The following GPR132 variants were observed in gnomAD, a reference collection of about 807,000 sequenced individuals.
GPR132 encodes the protein probable G protein-coupled receptor 132.
Under a neutral mutation model 1.9 loss-of-function variants are expected in GPR132, and 4 were observed. The observed-to-expected ratio is 2.13, with a 90% confidence interval of 1.05 to 4.87. GPR132 has a LOEUF of 4.87. Among genes scored for constraint, GPR132 ranks in the 30% most tolerant of loss-of-function variants. GPR132 has a pLI of 0.01. For missense variants in GPR132, 404 were observed against 512.5 expected (o/e 0.79, Z 2.04); for synonymous variants, 233 against 234.2 (o/e 0.99, Z 0.05).
intron 1 of GPR132, among the ~76,000 whole-genome samples, chr14:105,062,071 A>C (rs541727201): frequency 6.6e-6 from 1 of 152,172 alleles, no homozygotes; most frequent in Non-Finnish European, 1.5e-5. Flanking sequence ...TCCAACTCCA[A>C]CTGGATTCAG....
intron 3 of GPR132, chr14:105,054,157 C>A (rs1237435367): frequency 7.8e-7 from 1 of 1,276,718 alleles, no homozygotes; most frequent in East Asian, 5.8e-5. Flanking sequence ...ACAGACCTGG[C>A]CTCAGCACCT....
chr14:105,058,694 T>C (rs1041383355), intron 1 of GPR132, among the ~76,000 whole-genome samples: 1 of 152,254 alleles, frequency 6.6e-6, no homozygotes, highest in Non-Finnish European at 1.5e-5. Flanking sequence ...GGAAGCTGTG[T>C]CACCCACAGC....
intron 1 of GPR132, 150 bp from the exon 2 acceptor site, chr14:105,057,430 A>G (rs1408519836): frequency 6.3e-6 from 3 of 479,214 alleles, no homozygotes; most frequent in South Asian, 6.5e-5. Flanking sequence ...CTGCCGTTGC[A>G]TCCCACATGA....
In GPR132 at chr14:105,050,994, T is replaced by C; in HGVS notation, c.1143A>G (p.Ter381TrpextTer23). Residue 381 changes from the stop codon to tryptophan, a stop_lost, in exon 4 of 4, where the codon TGA (stop) becomes TGG (tryptophan). Transcript: ENST00000329797. The surrounding 1 kb of genome is among the most constrained non-coding windows in gnomAD (Gnocchi z 4.0). The part of the protein sequence containing the change: ...PAKRLIEESC[*>W] Reference sequence around the variant, plus strand: ...GCCATCCCCCTGCCACACAGTGGGCTCAGCAGGACTCCTCAATCAGCCTCT... The same window carrying C: ...GCCATCCCCCTGCCACACAGTGGGCCCAGCAGGACTCCTCAATCAGCCTCT... 1 of 1,607,630 alleles carries C rather than the reference T, an allele frequency of 6.2e-7. No individual in the cohort carries two copies. The highest frequency in any genetic ancestry group is 8.5e-7 in the Non-Finnish European group (1 of 1,174,682).
chr14:105,055,425 A>G lies in GPR132; in HGVS notation c.-5T>C, dbSNP rs1886764011. On this transcript the variant is annotated 5_prime_UTR_variant, in exon 3 of 4. An upstream start codon of the reference 5' UTR is lost. Transcript: ENST00000329797. This position sits in a 1 kb window ranked among gnomAD's most constrained non-coding sequence, Gnocchi z 4.7. ...TTTCAGTAGCATTGGGCACATTCAC[A>G]TTCTTCTGCAACCATCGCCAGCATC... 1.2e-5 allele frequency: 9 copies of G among 780,946 alleles called. No homozygotes were observed. In the East Asian group the frequency reaches 1.9e-4, roughly 17 times the overall value. The allele number at this position is 780,946 out of a possible 1,614,324, so 48.4% of individuals were successfully genotyped here. A position where few individuals can be genotyped will look rare whatever the true frequency, so the allele number is the denominator to read the frequency against.
Position 105,051,324 on chromosome 14 carries a change from G to C in GPR132, c.813C>G (p.Tyr271Ter). The change falls in exon 4 of 4, where the codon TAC becomes TAG. Residue 271 changes from tyrosine to a stop codon, truncating the protein, a stop_gained. Transcript: ENST00000329797. LOFTEE classifies it low-confidence loss of function (END_TRUNC). The surrounding 1 kb of genome is among the most constrained non-coding windows in gnomAD (Gnocchi z 8.0). ...VLLVKAAAFSYYRGDRNAMCG... is the reference protein window; with the variant it reads ...VLLVKAAAFS ...ACATGGCGTTCCTGTCTCCTCTGTA[G>C]TAGGAAAAGGCAGCGGCTTTGACGA... 5 of 1,614,036 alleles carry C rather than the reference G, an allele frequency of 3.1e-6. No individual in the cohort carries two copies. The highest frequency in any genetic ancestry group is 4.2e-6 in the Non-Finnish European group (5 of 1,179,868).
At position 105,051,989 on chromosome 14, in the gene GPR132, T is replaced by C. The variant is rs544362883; in HGVS notation, c.148A>G (p.Ser50Gly). Residue 50 changes from serine (S) to glycine (G), a missense_variant, in exon 4 of 4, where the codon AGC becomes GGC. Coordinates refer to ENST00000329797, the MANE Select transcript of GPR132 (RefSeq NM_013345.4). The surrounding 1 kb of genome is among the most constrained non-coding windows in gnomAD (Gnocchi z 8.0). Reference sequence around the variant, plus strand: ...GGCACCCCCAGCGTGCACACCGCGCTGTACACCACGACCAGGACTATCCTG... The same window carrying C: ...GGCACCCCCAGCGTGCACACCGCGCCGTACACCACGACCAGGACTATCCTG... The part of the protein sequence containing the change: ...ESRIVLVVVY[S>G]AVCTLGVPAN... The C allele has an allele frequency of 6.2e-7, 1 of 1,613,144 alleles. No homozygotes were observed. Among genetic ancestry groups the C allele is most frequent in the African/African-American group, 1.3e-5 (1 of 75,062 alleles).
At chr14:105,057,021 C>T in intron 2 of GPR132, 146 bp downstream of exon 2, 1 of 672,808 alleles carries the variant, frequency 1.5e-6, no homozygotes, top group Non-Finnish European at 2.7e-6. Context: ...CCATGTAGCA[C>T]CTCTAGATTT....
In GPR132 at chr14:105,056,192, G is replaced by A. The variant is rs1044554802; in HGVS notation, c.-746-26C>T. 5 of 985,150 alleles carry A rather than the reference G, an allele frequency of 5.1e-6. No homozygotes were observed. The highest frequency in any genetic ancestry group is 6.0e-6 in the Non-Finnish European group (5 of 829,534). The allele number at this position is 985,150 out of a possible 1,614,324, so 61.0% of individuals were successfully genotyped here. On this transcript the variant is annotated intron_variant, in intron 2 of 3. Coordinates refer to ENST00000329797, the MANE Select transcript of GPR132 (RefSeq NM_013345.4). The surrounding 1 kb of genome is among the most constrained non-coding windows in gnomAD (Gnocchi z 6.0). ...CTGGGCAGAGGGAGAGAGTGGGTGT[G>A]ACTGGGCTGCCTCACACTCAGTTGT...
chr14:105,064,130 C>T (rs1848231237), intron 1 of GPR132, among the ~76,000 whole-genome samples: 1 of 152,000 alleles, frequency 6.6e-6, no homozygotes, highest in African/African-American at 2.4e-5. Context: ...TAAGCCACCG[C>T]ACCTGGCTGG....
At chr14:105,061,676 G>C (rs1467400396) in intron 1 of GPR132, among the ~76,000 whole-genome samples, 2 of 152,192 alleles carry the variant, frequency 1.3e-5, no homozygotes, top group Non-Finnish European at 2.9e-5. Context: ...GGGTCTTCAA[G>C]TGGAAGGACA....
At position 105,051,450 on chromosome 14, in the gene GPR132, G is replaced by A. The variant is rs1886637699; in HGVS notation, c.687C>T (p.Ser229=). ...CCTTCTGGGCAGCGCTTAAGCCCAT[G>A]CTCTGCTTGATGCTCCTGAAAATCC... is the stretch of plus-strand genomic sequence containing the variant. The part of the protein sequence containing the change: ...NHRIFRSIKQ[S]MGLSAAQKAK... The change falls in exon 4 of 4, where the codon AGC becomes AGT. Residue 229 remains serine (S), a synonymous_variant. Coordinates refer to ENST00000329797, the MANE Select transcript of GPR132 (RefSeq NM_013345.4). This position sits in a 1 kb window ranked among gnomAD's most constrained non-coding sequence, Gnocchi z 8.0. 6.2e-7 allele frequency: 1 copy of A among 1,614,098 alleles called. No individual in the cohort carries two copies. Among genetic ancestry groups the A allele is most frequent in the South Asian group, 1.1e-5 (1 of 91,092 alleles).
intron 1 of GPR132, 172 bp from the exon 2 acceptor site, chr14:105,057,452 A>C: frequency 2.2e-6 from 1 of 445,442 alleles, no homozygotes; most frequent in Non-Finnish European, 4.0e-6. Context: ...AAACACAAGC[A>C]AGGCTCCAAG....
rs1886576030 is a variant in GPR132 at position 105,049,557 on chromosome 14, G to C, written c.*1437C>G. On this transcript the variant is annotated 3_prime_UTR_variant, in exon 4 of 4. Coordinates refer to ENST00000329797, the MANE Select transcript of GPR132 (RefSeq NM_013345.4). Reference sequence around the variant, plus strand: ...GGATGACAGGCGTGAGCACTGCCCTGCCTTGTGCTTTTATTTCTAAACACA... The same window carrying C: ...GGATGACAGGCGTGAGCACTGCCCTCCCTTGTGCTTTTATTTCTAAACACA... 6.6e-6 allele frequency: 1 copy of C among 152,146 alleles called. No homozygotes were observed. The highest frequency in any genetic ancestry group is 6.5e-5 in the Admixed American group (1 of 15,268). The allele number at this position is 152,146 out of a possible 1,614,324, so 9.4% of individuals were successfully genotyped here.
Position 105,055,466 on chromosome 14 carries a change from C to T in GPR132, c.-46G>A, listed in dbSNP as rs939150444. 1.3e-6 allele frequency: 1 copy of T among 779,422 alleles called. No individual in the cohort carries two copies. Among genetic ancestry groups the T allele is most frequent in the Admixed American group, 1.7e-5 (1 of 58,996 alleles). The allele number at this position is 779,422 out of a possible 1,614,324, so 48.3% of individuals were successfully genotyped here. ...CGCCAGCATCCGTCGGCAGAACCTTCTCATCTTCCCAAACGGAGACTCTGC... is the reference window on the plus strand; with the variant it reads ...CGCCAGCATCCGTCGGCAGAACCTTTTCATCTTCCCAAACGGAGACTCTGC... On this transcript the variant is annotated 5_prime_UTR_variant, in exon 3 of 4. Transcript: ENST00000329797. The surrounding 1 kb of genome is among the most constrained non-coding windows in gnomAD (Gnocchi z 4.7).
In GPR132 at chr14:105,055,764, A is replaced by AAT. The variant is rs892682104; in HGVS notation, c.-346_-345dup. 89 of 310,880 alleles carry AAT rather than the reference A, an allele frequency of 2.9e-4. No homozygotes were observed. Among genetic ancestry groups the AAT allele is most frequent in the Middle Eastern group, 1.9e-3 (2 of 1,058 alleles). 19.3% of individuals were successfully genotyped at this position (310,880 alleles called of 1,614,324 possible). Reference sequence around the variant, plus strand: ...CCTCCAGGGTCTCGCCAAAAATATAAATATATATATATATTCCACTGTGCC... The same window carrying AAT: ...CCTCCAGGGTCTCGCCAAAAATATAAATATATATATATATATTCCACTGTGCC... On this transcript the variant is annotated 5_prime_UTR_variant, in exon 3 of 4. The change abolishes the stop of an existing upstream ORF in the 5' untranslated region. Coordinates refer to ENST00000329797, the MANE Select transcript of GPR132 (RefSeq NM_013345.4). This position sits in a 1 kb window ranked among gnomAD's most constrained non-coding sequence, Gnocchi z 4.7.
rs761451613 is a variant in GPR132 at position 105,051,371 on chromosome 14, C to T, written c.766G>A (p.Ala256Thr). ...ACGAGGAGAACCAGGTGGTACGGGG[C>T]GAAGCAGACTAGGAAGATGACAACC... ...AVVVIFLVCF[A>T]PYHLVLLVKA... Residue 256 changes from alanine to threonine, a missense_variant, in exon 4 of 4, where the codon GCC (alanine) becomes ACC (threonine). Coordinates refer to ENST00000329797, the MANE Select transcript of GPR132 (RefSeq NM_013345.4). The surrounding 1 kb of genome is among the most constrained non-coding windows in gnomAD (Gnocchi z 8.0). 89 of 1,614,064 alleles carry T rather than the reference C, an allele frequency of 5.5e-5. No homozygotes were observed. In the East Asian group the frequency reaches 1.5e-3, roughly 27 times the overall value.
intron 1 of GPR132, 159 bp from the exon 2 acceptor site, chr14:105,057,439 G>T: frequency 4.6e-6 from 2 of 437,074 alleles, no homozygotes; most frequent in South Asian, 3.6e-5. Context: ...CATCCCACAT[G>T]AGAAACACAA....
In GPR132 at chr14:105,050,197, C is replaced by G. The variant is rs45528944; in HGVS notation, c.*797G>C. 0.047 allele frequency: 7,149 copies of G among 152,462 alleles called. 399 individuals are homozygous for G. The highest frequency in any genetic ancestry group is 0.21 in the East Asian group (1,081 of 5,178). The allele number at this position is 152,462 out of a possible 1,614,324, so 9.4% of individuals were successfully genotyped here. Reference sequence around the variant, plus strand: ...AAGCAGGCCAACTGCTGCACTCCCCCCTCAGTAAGGGGCTAGGGGTGGGGA... The same window carrying G: ...AAGCAGGCCAACTGCTGCACTCCCCGCTCAGTAAGGGGCTAGGGGTGGGGA... On this transcript the variant is annotated 3_prime_UTR_variant, in exon 4 of 4. Coordinates refer to ENST00000329797, the MANE Select transcript of GPR132 (RefSeq NM_013345.4). The surrounding 1 kb of genome is among the most constrained non-coding windows in gnomAD (Gnocchi z 4.0).
Sources: allele counts gnomAD v4.1 joint callset (sites outside exome capture counted in the v4.1 genomes callset), GRCh38; gene constraint gnomAD v4.1.1; non-coding constraint Gnocchi (gnomAD v3.1); transcripts MANE v1.5; gene names NCBI Gene and HGNC (gene_info 2026-07-23, HGNC 2026-07-21).